ADAM10: variants seen among roughly 807,000 people sequenced by gnomAD.
ADAM10 encodes ADAM metallopeptidase domain 10.
In ADAM10, 17 loss-of-function variants were observed where a neutral mutation model predicts 90.1. That is an observed-to-expected ratio of 0.19 (90% CI 0.13 to 0.28). The LOEUF (loss-of-function observed/expected upper bound fraction) is 0.28. Ranked by LOEUF, ADAM10 falls within the 10% of genes least tolerant of loss-of-function variation. The probability of loss-of-function intolerance (pLI) is 1.00; values close to 1 mark genes in which losing one functional copy is unlikely to be tolerated. For missense variants in ADAM10, 610 were observed against 914.3 expected (o/e 0.67, Z 4.29); for synonymous variants, 310 against 298.6 (o/e 1.04, Z -0.40).
intron 2 of ADAM10, among the ~76,000 whole-genome samples, chr15:58,683,465 CAT>C (rs1479152865): frequency 1.1e-4 from 16 of 152,162 alleles, no homozygotes; most frequent in African/African-American, 3.9e-4. Context: ...TACAAATGTA[CAT>C]AGCCTTTGAT....
intron 4 of ADAM10, among the ~76,000 whole-genome samples, chr15:58,668,433 C>T (rs1039217623): frequency 2.6e-5 from 4 of 152,060 alleles, no homozygotes; most frequent in South Asian, 2.1e-4. Context: ...AAAGAACATG[C>T]GAATCTCTTT....
chr15:58,650,147 G>A (rs1286370627), intron 5 of ADAM10, among the ~76,000 whole-genome samples: 6 of 151,996 alleles, frequency 3.9e-5, no homozygotes, highest in African/African-American at 7.3e-5. Context: ...ATATATTAAA[G>A]TCTGTGTCAG....
chr15:58,667,795 T>C (rs1897111767), intron 4 of ADAM10, among the ~76,000 whole-genome samples: 1 of 151,938 alleles, frequency 6.6e-6, no homozygotes, highest in South Asian at 2.1e-4. Flanking sequence ...ATGAAAAGTT[T>C]GGAGACAGGA....
At chr15:58,735,354 T>C (rs1348113143) in intron 1 of ADAM10, among the ~76,000 whole-genome samples, 1 of 152,156 alleles carries the variant, frequency 6.6e-6, no homozygotes, top group Non-Finnish European at 1.5e-5. Context: ...AAGTAAGGAC[T>C]CAAAGAATGC....
chr15:58,723,391 A>G (rs1170854056), intron 1 of ADAM10, among the ~76,000 whole-genome samples: 1 of 152,168 alleles, frequency 6.6e-6, no homozygotes, highest in East Asian at 1.9e-4. Flanking sequence ...AGAAAAGAAA[A>G]AAGAAATCAC....
intron 3 of ADAM10, among the ~76,000 whole-genome samples, chr15:58,680,313 G>A (rs1897396367): frequency 6.6e-6 from 1 of 152,140 alleles, no homozygotes; most frequent in Admixed American, 6.5e-5. Flanking sequence ...GGTAGAGACA[G>A]GGACTTGCTA....
chr15:58,643,186 T>A (rs1896460958), intron 7 of ADAM10, among the ~76,000 whole-genome samples: 2 of 152,148 alleles, frequency 1.3e-5, no homozygotes, highest in Non-Finnish European at 1.5e-5. Context: ...GTCAGTAATT[T>A]AATATTTATT....
intron 2 of ADAM10, among the ~76,000 whole-genome samples, chr15:58,694,726 T>C (rs949254711): frequency 6.7e-6 from 1 of 148,640 alleles, no homozygotes; most frequent in African/African-American, 2.5e-5. Flanking sequence ...ATTCATATAA[T>C]GGCAAACTAC....
At chr15:58,599,299 G>T (rs1895046752) in intron 15 of ADAM10, among the ~76,000 whole-genome samples, 1 of 149,752 alleles carries the variant, frequency 6.7e-6, no homozygotes, top group African/African-American at 2.5e-5. Context: ...CATGGCAAGG[G>T]AATATGTTAG....
chr15:58,725,025 T>C (rs935123419), intron 1 of ADAM10, among the ~76,000 whole-genome samples: 2 of 151,008 alleles, frequency 1.3e-5, no homozygotes, highest in African/African-American at 4.9e-5. Context: ...ACCCTGTCTC[T>C]ACTAAATATA....
At chr15:58,630,728 T>C (rs1896078075) in intron 9 of ADAM10, among the ~76,000 whole-genome samples, 1 of 152,206 alleles carries the variant, frequency 6.6e-6, no homozygotes, top group African/African-American at 2.4e-5. Context: ...TTGACATTAC[T>C]ACAAACGTAT....
intron 2 of ADAM10, among the ~76,000 whole-genome samples, chr15:58,697,818 A>G (rs1400429033): frequency 6.6e-6 from 1 of 152,200 alleles, no homozygotes; most frequent in Non-Finnish European, 1.5e-5. Flanking sequence ...GCCCAAGGAC[A>G]GGCCCACTTG....
chr15:58,667,676 C>T (rs939092019), intron 4 of ADAM10, among the ~76,000 whole-genome samples: 16 of 151,852 alleles, frequency 1.1e-4, no homozygotes, highest in African/African-American at 3.9e-4. Context: ...AGGTGGGGGC[C>T]TTGTCCATGA....
chr15:58,697,558 A>G (rs1898013856), intron 2 of ADAM10, among the ~76,000 whole-genome samples: 1 of 152,110 alleles, frequency 6.6e-6, no homozygotes, highest in African/African-American at 2.4e-5. Context: ...AACCACATGC[A>G]CCACCTGCAG....
At chr15:58,628,503 C>T (rs917131893) in intron 9 of ADAM10, among the ~76,000 whole-genome samples, 35 of 152,142 alleles carry the variant, frequency 2.3e-4, no homozygotes, top group African/African-American at 8.0e-4. Context: ...TCTGTGTACA[C>T]GTAACATATA....
At chr15:58,697,087 T>C (rs1442922650) in intron 2 of ADAM10, among the ~76,000 whole-genome samples, 3 of 152,176 alleles carry the variant, frequency 2.0e-5, no homozygotes, top group Non-Finnish European at 4.4e-5. Flanking sequence ...CATTTTCATG[T>C]GCCCCAAGGA....
chr15:58,662,039 T>C (rs1367953104), intron 5 of ADAM10, among the ~76,000 whole-genome samples: 4 of 151,434 alleles, frequency 2.6e-5, no homozygotes, highest in African/African-American at 4.9e-5. Flanking sequence ...TTAACAGACG[T>C]TGTGTTTCTA....
intron 2 of ADAM10, among the ~76,000 whole-genome samples, chr15:58,698,847 G>GA (rs1323086613): frequency 1.3e-5 from 2 of 151,960 alleles, no homozygotes; most frequent in Admixed American, 6.6e-5. Context: ...AGAAGGCAAA[G>GA]AAAAAACAAA....
Position 58,749,595 on chromosome 15 carries a change from G to C in ADAM10, c.-61C>G, listed in dbSNP as rs201628088. ...CGGGTTAACAGCAGCACATCGATCC[G>C]GAGGGAGAAGCTGAAGGGGCTTGGT... On this transcript the variant is annotated 5_prime_UTR_variant, in exon 1 of 16. Transcript: ENST00000260408. The C allele has an allele frequency of 9.2e-5, 142 of 1,547,036 alleles. No homozygotes were observed. Among genetic ancestry groups the C allele is most frequent in the Non-Finnish European group, 1.2e-4 (134 of 1,144,634 alleles).
Sources: gnomAD v4.1 joint callset for allele counts (sites outside exome capture counted in the v4.1 genomes callset) on GRCh38, gnomAD v4.1.1 for gene constraint, MANE v1.5 for transcripts, NCBI Gene and HGNC (gene_info 2026-07-23, HGNC 2026-07-21) for gene names.